WARS2: variants seen among roughly 807,000 people sequenced by gnomAD.
WARS2 encodes the protein tryptophan--tRNA ligase, mitochondrial.
In WARS2, 28 loss-of-function variants were observed where a neutral mutation model predicts 36.5. That is an observed-to-expected ratio of 0.77 (90% CI 0.57 to 1.05). The LOEUF is 1.05. WARS2 is among the 50% of genes least tolerant of loss of function. WARS2 has a pLI of 0.00. For synonymous variants in WARS2, 174 were observed against 178.4 expected (o/e 0.98, Z 0.20); for missense variants, 435 against 456.8 (o/e 0.95, Z 0.44).
At chr1:119,123,240 CTGGCCT>C (rs1557754684) in intron 1 of WARS2, among the ~76,000 whole-genome samples, 1 of 152,008 alleles carries the variant, frequency 6.6e-6, no homozygotes, top group Non-Finnish European at 1.5e-5. Context: ...TGGGAAAACT[CTGGCCT>C]TGTGTTTTAA....
intron 1 of WARS2, among the ~76,000 whole-genome samples, chr1:119,104,312 G>T (rs1390191907): frequency 6.6e-6 from 1 of 151,104 alleles, no homozygotes; most frequent in Non-Finnish European, 1.5e-5. Context: ...ACTTTGACTG[G>T]TGTCCTTGCC....
chr1:119,124,001 G>A (rs1182735293), intron 1 of WARS2, among the ~76,000 whole-genome samples: 1 of 152,098 alleles, frequency 6.6e-6, no homozygotes, highest in East Asian at 1.9e-4. Flanking sequence ...AACTCAATTT[G>A]CCTAAAACTT....
rs761800862 is a variant in WARS2 at position 119,131,458 on chromosome 1, GT to G, written c.90+9096del. On this transcript the variant is annotated intron_variant, in intron 1 of 5. Coordinates refer to ENST00000235521, the MANE Select transcript of WARS2 (RefSeq NM_015836.4). ...GGATCCGGACTGTGCAAAGTTTTTT[GT>G]TTTTTGTTTTTTTTTTTTTTGAGAC... is the stretch of plus-strand genomic sequence containing the variant. Among the ~76,000 whole-genome samples, 71 of 134,274 alleles carry G rather than the reference GT, an allele frequency of 5.3e-4. 1 individual carries two copies. Among genetic ancestry groups the G allele is most frequent in the Admixed American group, 7.2e-4 (10 of 13,878 alleles). 88.1% of individuals were successfully genotyped at this position (134,274 alleles called of 152,430 possible).
At chr1:119,071,689 T>C (rs1651327954) in intron 2 of WARS2, among the ~76,000 whole-genome samples, 1 of 152,102 alleles carries the variant, frequency 6.6e-6, no homozygotes, top group Non-Finnish European at 1.5e-5. Flanking sequence ...TGGGAAGATG[T>C]TGGTCAAAGG....
intron 1 of WARS2, among the ~76,000 whole-genome samples, chr1:119,132,033 G>C (rs908759101): frequency 6.6e-6 from 1 of 152,114 alleles, no homozygotes; most frequent in Non-Finnish European, 1.5e-5. Flanking sequence ...GGACCTACCA[G>C]GTGCTGTGCA....
chr1:119,112,434 G>A (rs768480269), intron 1 of WARS2, among the ~76,000 whole-genome samples: 1 of 152,180 alleles, frequency 6.6e-6, no homozygotes, highest in Non-Finnish European at 1.5e-5. Flanking sequence ...CAGAGAGGGA[G>A]ACATTTATGA....
At chr1:119,114,633 G>A (rs972224314) in intron 1 of WARS2, among the ~76,000 whole-genome samples, 1 of 152,150 alleles carries the variant, frequency 6.6e-6, no homozygotes, top group African/African-American at 2.4e-5. Flanking sequence ...AGTTGTCCTA[G>A]TAATCAGAGT....
At chr1:119,085,427 C>T (rs1652566984) in intron 1 of WARS2, 1 of 1,485,686 alleles carries the variant, frequency 6.7e-7, no homozygotes, top group Non-Finnish European at 9.2e-7. Context: ...GTTGCTCTGC[C>T]TGTACCTCCC....
chr1:119,088,472 A>G (rs1364007461), intron 1 of WARS2, among the ~76,000 whole-genome samples: 2 of 152,046 alleles, frequency 1.3e-5, no homozygotes. Context: ...ACACACAAAT[A>G]AAAGGACTAA....
At chr1:119,084,121 A>T (rs1270744335) in intron 1 of WARS2, among the ~76,000 whole-genome samples, 1 of 151,962 alleles carries the variant, frequency 6.6e-6, no homozygotes, top group Non-Finnish European at 1.5e-5. Context: ...CCTAGGCTCA[A>T]GCAGTCCACC....
At chr1:119,040,985 C>T (rs1481179893) in intron 4 of WARS2, among the ~76,000 whole-genome samples, 1 of 152,142 alleles carries the variant, frequency 6.6e-6, no homozygotes, top group Non-Finnish European at 1.5e-5. Flanking sequence ...CAAGTTAATA[C>T]AACAAACAGA....
At chr1:119,072,907 C>T (rs1326827870) in intron 2 of WARS2, among the ~76,000 whole-genome samples, 2 of 152,040 alleles carry the variant, frequency 1.3e-5, no homozygotes, top group Non-Finnish European at 2.9e-5. Context: ...ATAATCCCAA[C>T]ACTTTGGAAG....
intron 1 of WARS2, among the ~76,000 whole-genome samples, chr1:119,124,242 C>G (rs1319256868): frequency 2.0e-5 from 3 of 152,116 alleles, no homozygotes; most frequent in African/African-American, 7.2e-5. Flanking sequence ...CCTGTAATCC[C>G]AACACTTTGG....
intron 2 of WARS2, among the ~76,000 whole-genome samples, chr1:119,061,723 T>C (rs1484662250): frequency 6.6e-6 from 1 of 151,930 alleles, no homozygotes; most frequent in Admixed American, 6.6e-5. Context: ...ACATGACTGA[T>C]CTAATGGATT....
chr1:119,092,805 C>T (rs1653135401), intron 1 of WARS2, among the ~76,000 whole-genome samples: 1 of 152,160 alleles, frequency 6.6e-6, no homozygotes, highest in South Asian at 2.1e-4. Flanking sequence ...TGGTGCCTGG[C>T]ACATAGAAAA....
At chr1:119,048,889 C>T (rs1249207321) in intron 2 of WARS2, among the ~76,000 whole-genome samples, 1 of 152,030 alleles carries the variant, frequency 6.6e-6, no homozygotes, top group East Asian at 1.9e-4. Flanking sequence ...TATGGCGAAA[C>T]CCGTCTCTAC....
chr1:119,138,963 G>A (rs764618930), intron 1 of WARS2, among the ~76,000 whole-genome samples: 7 of 152,016 alleles, frequency 4.6e-5, no homozygotes, highest in Admixed American at 6.6e-5. Context: ...AAACTTCCCT[G>A]GGCAGTCATT....
chr1:119,038,383 C>T (rs2101109280), intron 4 of WARS2, among the ~76,000 whole-genome samples: 1 of 152,196 alleles, frequency 6.6e-6, no homozygotes, highest in Non-Finnish European at 1.5e-5. Context: ...TATAGGAAAT[C>T]CAGCATTCTT....
At chr1:119,044,297 AG>A (rs1243258299) in intron 3 of WARS2, among the ~76,000 whole-genome samples, 2 of 152,244 alleles carry the variant, frequency 1.3e-5, no homozygotes, top group Non-Finnish European at 2.9e-5. Context: ...GTAATATACT[AG>A]CAGGAGATCT....
Sources: allele counts gnomAD v4.1 joint callset (sites outside exome capture counted in the v4.1 genomes callset), GRCh38; gene constraint gnomAD v4.1.1; transcripts MANE v1.5; gene names NCBI Gene and HGNC (gene_info 2026-07-23, HGNC 2026-07-21).